Variants in HACL1 observed in about 807,000 individuals in gnomAD.
The protein encoded by HACL1 is 2-hydroxyacyl-CoA lyase 1.
Under a neutral mutation model 74.2 loss-of-function variants are expected in HACL1, and 64 were observed. The observed-to-expected ratio is 0.86, with a 90% confidence interval of 0.70 to 1.06. HACL1 has a LOEUF of 1.06. Among genes scored for constraint, HACL1 ranks in the 50% least tolerant of loss-of-function variants. HACL1 has a pLI of 0.00. For synonymous variants in HACL1, 230 were observed against 238.8 expected, an observed-to-expected ratio of 0.96 and a Z score of 0.34; for missense variants, 728 against 719.7, an observed-to-expected ratio of 1.01 and a Z score of -0.13.
intron 15 of HACL1, among the ~76,000 whole-genome samples, chr3:15,564,230 G>A (rs1222353993): frequency 2.0e-5 from 3 of 152,186 alleles, no homozygotes; most frequent in Non-Finnish European, 4.4e-5. Flanking sequence ...ATTTCCAAAT[G>A]GTGTAACAGG....
At chr3:15,578,167 C>A (rs1559553321) in intron 9 of HACL1, among the ~76,000 whole-genome samples, 1 of 151,310 alleles carries the variant, frequency 6.6e-6, no homozygotes, top group African/African-American at 2.4e-5. Context: ...TGATGCAATC[C>A]TACTTCTTAT....
In HACL1 at chr3:15,601,497, C is replaced by A. The variant is rs367946120; in HGVS notation, c.-34G>T. On this transcript the variant is annotated 5_prime_UTR_variant, in exon 1 of 17. Coordinates refer to ENST00000321169, the MANE Select transcript of HACL1 (RefSeq NM_012260.4). Reference sequence around the variant, plus strand: ...GAAAAGCTCTAAGCACTCACGCAGCCGGCAAACAAGCGGAATCATCCAGCA... The same window carrying A: ...GAAAAGCTCTAAGCACTCACGCAGCAGGCAAACAAGCGGAATCATCCAGCA... The A allele has an allele frequency of 2.5e-4, 400 of 1,610,530 alleles. 1 individual carries two copies. Among genetic ancestry groups the A allele is most frequent in the Non-Finnish European group, 3.2e-4 (373 of 1,180,034 alleles).
chr3:15,596,266 T>C, intron 3 of HACL1, 118 bp downstream of exon 3: 1 of 661,692 alleles, frequency 1.5e-6, no homozygotes, highest in South Asian at 1.8e-5. Flanking sequence ...TTTTTATCCT[T>C]TGTTATTTAA....
chr3:15,568,411 T>C (rs754634438), intron 13 of HACL1, 21 bp downstream of exon 13: 8 of 1,478,786 alleles, frequency 5.4e-6, no homozygotes, highest in Middle Eastern at 1.8e-4. Context: ...TTACGACTTC[T>C]TTCTTCTTTA....
At chr3:15,593,511 G>A (rs1051870936) in intron 3 of HACL1, among the ~76,000 whole-genome samples, 4 of 151,672 alleles carry the variant, frequency 2.6e-5, no homozygotes, top group Non-Finnish European at 5.9e-5. Flanking sequence ...AAGCCAGCAT[G>A]CCTGGCCCAA....
intron 7 of HACL1, among the ~76,000 whole-genome samples, chr3:15,584,368 T>C (rs1276539746): frequency 1.3e-5 from 2 of 152,120 alleles, no homozygotes; most frequent in African/African-American, 2.4e-5. Context: ...GGTTGGTGGA[T>C]CACAAGGTCA....
rs1324715317 is a variant in HACL1 at position 15,582,920 on chromosome 3, A to G, written c.624T>C (p.Ser208=). Residue 208 remains serine (S), a synonymous_variant, in exon 8 of 17, where the codon TCT becomes TCC. Transcript: ENST00000321169. ...GGGGTTGTTTGGCATTCCTAATAACAGAAGCCGCCGTGCACACAGCAGAGG... is the reference window on the plus strand; with the variant it reads ...GGGGTTGTTTGGCATTCCTAATAACGGAAGCCGCCGTGCACACAGCAGAGG... The part of the protein sequence containing the change: ...AETSAVCTAA[S]VIRNAKQPLL... The G allele has an allele frequency of 6.2e-7, 1 of 1,611,310 alleles. No homozygotes were observed. The highest frequency in any genetic ancestry group is 1.3e-5 in the African/African-American group (1 of 74,886).
In HACL1 at chr3:15,567,900, A is replaced by G. The variant is rs1462942230; in HGVS notation, c.1353T>C (p.Cys451=). 1.9e-6 allele frequency: 3 copies of G among 1,614,110 alleles called. No individual in the cohort carries two copies. Among genetic ancestry groups the G allele is most frequent in the Non-Finnish European group, 2.5e-6 (3 of 1,179,924 alleles). The change falls in exon 14 of 17, where the codon TGT becomes TGC. Residue 451 remains cysteine (C), a synonymous_variant. Coordinates refer to ENST00000321169, the MANE Select transcript of HACL1 (RefSeq NM_012260.4). ...KDRSPGQWII[C]VEGDSAFGFS... ...ACCCAAATGCACTGTCTCCTTCCAC[A>G]CAGATGATCCATTGCCCAGGGCTTC... is the stretch of plus-strand genomic sequence containing the variant.
chr3:15,578,498 G>T lies in HACL1; in HGVS notation c.803+1412C>A, dbSNP rs538517352. On this transcript the variant is annotated intron_variant, in intron 9 of 16. Transcript: ENST00000321169. ...TTTCTCCCCCGTGTTTTGTCTCCTG[G>T]CTTTGACTCAAAGGCAGCCCTAGTT... 2.6e-5 allele frequency among the ~76,000 whole-genome samples: 4 copies of T among 152,304 alleles called. No individual in the cohort carries two copies. The South Asian group carries it at 6.2e-4, about 24-fold the overall frequency.
chr3:15,601,215 G>A, intron 1 of HACL1, 21 bp from the exon 2 acceptor site: 2 of 1,585,594 alleles, frequency 1.3e-6, no homozygotes, highest in Non-Finnish European at 1.7e-6. Context: ...AAGAACAGGG[G>A]AGTAAACTCC....
intron 9 of HACL1, 135 bp from the exon 10 acceptor site, chr3:15,575,217 T>C: frequency 2.0e-6 from 1 of 504,462 alleles, no homozygotes; most frequent in Non-Finnish European, 3.6e-6. Flanking sequence ...CTAGGGTATA[T>C]TTGATCTTTC....
At position 15,582,993 on chromosome 3, in the gene HACL1, GA is replaced by G. The variant is rs775262985; in HGVS notation, c.555-5del. Reference sequence around the variant, plus strand: ...TGACATGCAGCGTTCCATGTACCTGGAAAAAAAGAGCCCTATTAATTAAAAG... The same window carrying G: ...TGACATGCAGCGTTCCATGTACCTGGAAAAAAGAGCCCTATTAATTAAAAG... On this transcript the variant is annotated splice_polypyrimidine_tract_variant and splice_region_variant and intron_variant, in intron 7 of 16. Transcript: ENST00000321169. 2.6e-5 allele frequency: 38 copies of G among 1,443,224 alleles called. No individual in the cohort carries two copies. Among genetic ancestry groups the G allele is most frequent in the South Asian group, 7.2e-5 (6 of 83,378 alleles). 89.4% of individuals were successfully genotyped at this position (1,443,224 alleles called of 1,614,324 possible).
chr3:15,600,844 A>G, intron 2 of HACL1: 1 of 581,468 alleles, frequency 1.7e-6, no homozygotes, highest in Non-Finnish European at 3.1e-6. Flanking sequence ...TCAGACCCAG[A>G]ATACGTGGGT....
At position 15,590,634 on chromosome 3, in the gene HACL1, T is replaced by C. The variant is rs532650500; in HGVS notation, c.308+966A>G. Among the ~76,000 whole-genome samples the C allele has an allele frequency of 5.9e-5, 9 of 152,328 alleles. No homozygotes were observed. The East Asian group carries it at 1.7e-3, about 29-fold the overall frequency. ...ACTAAATGAATATAAGAATTTCAAA[T>C]ATCTTCCTACCTATGCAAAACAAGG... is the stretch of plus-strand genomic sequence containing the variant. On this transcript the variant is annotated intron_variant, in intron 4 of 16. Transcript: ENST00000321169.
At chr3:15,564,425 G>A in intron 15 of HACL1, 126 bp downstream of exon 15, 1 of 596,304 alleles carries the variant, frequency 1.7e-6, no homozygotes, top group Non-Finnish European at 3.0e-6. Context: ...CTCTTTAGAA[G>A]GGCTGACAAT....
intron 14 of HACL1, 46 bp downstream of exon 14, chr3:15,567,798 T>C: frequency 3.2e-6 from 5 of 1,559,022 alleles, no homozygotes; most frequent in Non-Finnish European, 4.4e-6. Flanking sequence ...GTGTCATTTT[T>C]CATATTCTAG....
intron 3 of HACL1, among the ~76,000 whole-genome samples, chr3:15,595,540 C>G (rs1019535922): frequency 1.4e-4 from 21 of 150,712 alleles, no homozygotes; most frequent in African/African-American, 4.9e-4. Context: ...AGGGAAAAAA[C>G]TGGAAGAAAA....
chr3:15,574,323 G>A (rs1342283361), intron 10 of HACL1, among the ~76,000 whole-genome samples: 6 of 152,180 alleles, frequency 3.9e-5, no homozygotes, highest in Non-Finnish European at 8.8e-5. Context: ...AGCCATTATC[G>A]TGCCACTGCA....
At chr3:15,570,926 A>C (rs1398697233) in intron 12 of HACL1, among the ~76,000 whole-genome samples, 2 of 151,690 alleles carry the variant, frequency 1.3e-5, no homozygotes, top group Admixed American at 1.3e-4. Flanking sequence ...AAGCAGAAAA[A>C]CATCTCAACC....
Sources: allele counts gnomAD v4.1 joint callset (sites outside exome capture counted in the v4.1 genomes callset), GRCh38; gene constraint gnomAD v4.1.1; transcripts MANE v1.5; gene names NCBI Gene and HGNC (gene_info 2026-07-23, HGNC 2026-07-21).